SPEF2: variants seen among roughly 807,000 people sequenced by gnomAD.
The protein encoded by SPEF2 is sperm flagella and cilia-associated protein 2.
SPEF2 carries 187 observed loss-of-function variants against 224.6 expected under a neutral mutation model. That is an observed-to-expected ratio of 0.83 (90% CI 0.74 to 0.94). The LOEUF (loss-of-function observed/expected upper bound fraction) is 0.94. Ranked by LOEUF, SPEF2 falls within the 40% of genes least tolerant of loss-of-function variation. The pLI, the probability that SPEF2 is intolerant of heterozygous loss-of-function variation, is 0.00. For missense variants in SPEF2, 2,170 were observed against 2,135.6 expected (o/e 1.02, Z -0.32); for synonymous variants, 715 against 707.3 (o/e 1.01, Z -0.17).
intron 32 of SPEF2, among the ~76,000 whole-genome samples, chr5:35,793,878 A>G (rs1756301375): frequency 6.6e-6 from 1 of 152,190 alleles, no homozygotes; most frequent in Admixed American, 6.5e-5. Context: ...AGAAATGTCC[A>G]ATCTAATATG....
intron 7 of SPEF2, among the ~76,000 whole-genome samples, chr5:35,657,343 A>G (rs1742439746): frequency 6.6e-6 from 1 of 152,168 alleles, no homozygotes; most frequent in East Asian, 1.9e-4. Flanking sequence ...AATTATGTGA[A>G]CTAAATGATG....
chr5:35,783,704 C>T (rs1754662151), intron 30 of SPEF2, among the ~76,000 whole-genome samples: 1 of 152,116 alleles, frequency 6.6e-6, no homozygotes, highest in Non-Finnish European at 1.5e-5. Flanking sequence ...AATGTGGTTT[C>T]CTAGGGAGTA....
chr5:35,759,657 G>A lies in SPEF2; in HGVS notation c.3558G>A (p.Lys1186=). 6.2e-7 allele frequency: 1 copy of A among 1,611,292 alleles called. No individual in the cohort carries two copies. The highest frequency in any genetic ancestry group is 8.5e-7 in the Non-Finnish European group (1 of 1,178,170). The change falls in exon 25 of 37, where the codon AAG becomes AAA. Residue 1186 remains lysine, a synonymous_variant. Coordinates refer to ENST00000356031, the MANE Select transcript of SPEF2 (RefSeq NM_024867.4). ...GTAAAATCCCAGTAGAGGACAACAA[G>A]AGATTTACTCGAATCCCTTTGGTCC... is the stretch of plus-strand genomic sequence containing the variant. The part of the protein sequence containing the change: ...MESKIPVEDN[K]RFTRIPLVQL...
intron 23 of SPEF2, among the ~76,000 whole-genome samples, chr5:35,752,906 T>A (rs1231974593): frequency 6.6e-6 from 1 of 150,532 alleles, no homozygotes; most frequent in African/African-American, 2.4e-5. Context: ...ATGTGATAAC[T>A]ATTTTTATTA....
chr5:35,779,952 C>T (rs1231296627), intron 30 of SPEF2, among the ~76,000 whole-genome samples: 4 of 152,198 alleles, frequency 2.6e-5, no homozygotes, highest in African/African-American at 9.7e-5. Context: ...CCTTTTCCTA[C>T]TTCCAGATAT....
At position 35,799,992 on chromosome 5, in the gene SPEF2, T is replaced by C; in HGVS notation, c.4855T>C (p.Tyr1619His). The C allele has an allele frequency of 6.2e-7, 1 of 1,614,072 alleles. No individual in the cohort carries two copies. Among genetic ancestry groups the C allele is most frequent in the African/African-American group, 1.3e-5 (1 of 75,026 alleles). ...GTTTTTCTTTAGGCTATTTGCTGAC[T>C]ATGAGAAGGATCCACCCCAGCTTGA... The part of the protein sequence containing the change: ...IEFFFRLFAD[Y>H]EKDPPQLDYT... The change falls in exon 34 of 37, where the codon TAT becomes CAT. Residue 1619 changes from tyrosine to histidine, a missense_variant. Physicochemically the swap from Tyr to His is moderately conservative, Grantham distance 83. Coordinates refer to ENST00000356031, the MANE Select transcript of SPEF2 (RefSeq NM_024867.4).
At chr5:35,796,999 T>C (rs1454942203) in intron 33 of SPEF2, among the ~76,000 whole-genome samples, 2 of 152,304 alleles carry the variant, frequency 1.3e-5, no homozygotes, top group Admixed American at 1.3e-4. Context: ...ATGGTCTGTA[T>C]ATGCTTTTAT....
intron 2 of SPEF2, among the ~76,000 whole-genome samples, chr5:35,637,601 A>G (rs1302611745): frequency 2.0e-5 from 3 of 152,352 alleles, no homozygotes; most frequent in South Asian, 2.1e-4. Context: ...GATTAGAACT[A>G]CACTGTCATA....
At chr5:35,663,219 A>G (rs1749982603) in intron 8 of SPEF2, among the ~76,000 whole-genome samples, 1 of 152,008 alleles carries the variant, frequency 6.6e-6, no homozygotes, top group Non-Finnish European at 1.5e-5. Context: ...ATTCTTTTCT[A>G]TGTTATTTCT....
chr5:35,707,852 G>A (rs1226077959), intron 18 of SPEF2, among the ~76,000 whole-genome samples: 1 of 152,094 alleles, frequency 6.6e-6, no homozygotes, highest in Non-Finnish European at 1.5e-5. Flanking sequence ...CCTTATGGTT[G>A]GGCATACTCA....
At chr5:35,728,479 G>T (rs1745060554) in intron 21 of SPEF2, among the ~76,000 whole-genome samples, 1 of 152,136 alleles carries the variant, frequency 6.6e-6, no homozygotes, top group African/African-American at 2.4e-5. Flanking sequence ...TAAAAGACAA[G>T]GTCTCCTTCT....
At chr5:35,736,979 G>T (rs1411814188) in intron 21 of SPEF2, among the ~76,000 whole-genome samples, 1 of 151,928 alleles carries the variant, frequency 6.6e-6, no homozygotes, top group Non-Finnish European at 1.5e-5. Context: ...TTTTACTTTG[G>T]TTGGACCACT....
At chr5:35,726,089 T>TA (rs1249090968) in intron 20 of SPEF2, among the ~76,000 whole-genome samples, 1 of 152,224 alleles carries the variant, frequency 6.6e-6, no homozygotes, top group Non-Finnish European at 1.5e-5. Context: ...TGTTCAAAAG[T>TA]GAATATTCAC....
intron 24 of SPEF2, among the ~76,000 whole-genome samples, chr5:35,756,728 A>G (rs1750503519): frequency 6.6e-6 from 1 of 152,248 alleles, no homozygotes; most frequent in Non-Finnish European, 1.5e-5. Flanking sequence ...GTTTCACAAA[A>G]CAAGGACTCT....
intron 23 of SPEF2, among the ~76,000 whole-genome samples, chr5:35,743,671 T>C (rs1286435660): frequency 6.7e-6 from 1 of 149,820 alleles, no homozygotes; most frequent in African/African-American, 2.4e-5. Flanking sequence ...GTAATTCTGA[T>C]TGAAATAACC....
chr5:35,814,352 A>AACC, intron 36 of SPEF2, 112 bp from the exon 37 acceptor site: 2 of 502,988 alleles, frequency 4.0e-6, no homozygotes, highest in Non-Finnish European at 6.6e-6. Flanking sequence ...AAGAAATAAA[A>AACC]ACTGTTTAAT....
chr5:35,618,969 G>A (rs1394570294), intron 1 of SPEF2, among the ~76,000 whole-genome samples: 2 of 152,036 alleles, frequency 1.3e-5, no homozygotes, highest in African/African-American at 4.8e-5. Context: ...TGCTACCAGA[G>A]AGGCAGTGGT....
At chr5:35,696,661 A>G (rs936444708) in intron 14 of SPEF2, among the ~76,000 whole-genome samples, 1 of 152,200 alleles carries the variant, frequency 6.6e-6, no homozygotes, top group African/African-American at 2.4e-5. Context: ...TGGTGTTTAC[A>G]TTCTAATGGA....
At position 35,712,877 on chromosome 5, in the gene SPEF2, A is replaced by C; in HGVS notation, c.2905A>C (p.Lys969Gln). 6.2e-7 allele frequency: 1 copy of C among 1,613,588 alleles called. No homozygotes were observed. The highest frequency in any genetic ancestry group is 1.3e-5 in the African/African-American group (1 of 75,058). ...GKGKKGETAL[K>Q]RKGSPKGKSS... ...AGGGAAGAAAGGTGAGACCGCACTCAAAAGAAAAGGTACAGCAGATAAAAA... is the reference window on the plus strand; with the variant it reads ...AGGGAAGAAAGGTGAGACCGCACTCCAAAGAAAAGGTACAGCAGATAAAAA... The change falls in exon 20 of 37, where the codon AAA becomes CAA. Residue 969 changes from lysine (K) to glutamine (Q), a missense_variant. By Grantham distance (53) the Lys-to-Gln change is moderately conservative. Coordinates refer to ENST00000356031, the MANE Select transcript of SPEF2 (RefSeq NM_024867.4).
Sources: allele counts gnomAD v4.1 joint callset (sites outside exome capture counted in the v4.1 genomes callset), GRCh38; gene constraint gnomAD v4.1.1; transcripts MANE v1.5; gene names NCBI Gene and HGNC (gene_info 2026-07-23, HGNC 2026-07-21).